Variants in CACNA2D4 observed in about 807,000 individuals in gnomAD.
CACNA2D4 encodes the protein calcium voltage-gated channel auxiliary subunit alpha2delta 4, also known as voltage-dependent calcium channel subunit alpha-2/delta-4.
Under a neutral mutation model 163.8 loss-of-function variants are expected in CACNA2D4, and 157 were observed. The observed-to-expected ratio is 0.96, with a 90% confidence interval of 0.84 to 1.09. The LOEUF is 1.09. Ranked by LOEUF, CACNA2D4 falls within the 50% of genes least tolerant of loss-of-function variation. The pLI is 0.00. For missense variants in CACNA2D4, 1,410 were observed against 1,479.9 expected, an observed-to-expected ratio of 0.95 and a Z score of 0.78; for synonymous variants, 598 against 586.9, an observed-to-expected ratio of 1.02 and a Z score of -0.27.
chr12:1,840,604 C>T, intron 26 of CACNA2D4, 135 bp downstream of exon 26: 1 of 676,664 alleles, frequency 1.5e-6, no homozygotes, highest in Non-Finnish European at 2.6e-6. Flanking sequence ...GAAGAGTGCA[C>T]TTCCACCCAT....
At position 1,806,267 on chromosome 12, in the gene CACNA2D4, C is replaced by T. The variant is rs767064325; in HGVS notation, c.2721+4011G>A. 6.6e-6 allele frequency among the ~76,000 whole-genome samples: 1 copy of T among 152,198 alleles called. No individual in the cohort carries two copies. Among genetic ancestry groups the T allele is most frequent in the Non-Finnish European group, 1.5e-5 (1 of 68,038 alleles). On this transcript the variant is annotated intron_variant, in intron 29 of 37. Transcript: ENST00000382722. The surrounding 1 kb of genome is among the most constrained non-coding windows in gnomAD (Gnocchi z 4.1). ...ACAAAGCCACTGTCATTGCCTGTCCCCAGCTGTCTGCTTCTCTTTCTAGGC... is the reference window on the plus strand; with the variant it reads ...ACAAAGCCACTGTCATTGCCTGTCCTCAGCTGTCTGCTTCTCTTTCTAGGC...
intron 6 of CACNA2D4, among the ~76,000 whole-genome samples, chr12:1,891,994 A>C (rs1254488851): frequency 3.9e-5 from 6 of 152,218 alleles, no homozygotes; most frequent in African/African-American, 1.4e-4. Context: ...AAAAGGATGG[A>C]AAGTCTATTT....
In CACNA2D4 at chr12:1,907,645, C is replaced by CCTGGTGGGCGTGT. The variant is rs59028831; in HGVS notation, c.650-87_650-75dup. 3.7e-6 allele frequency: 5 copies of CCTGGTGGGCGTGT among 1,360,646 alleles called. No individual in the cohort carries two copies. The East Asian group carries it at 1.2e-4, about 34-fold the overall frequency. 84.3% of individuals were successfully genotyped at this position (1,360,646 alleles called of 1,614,324 possible). A position where few individuals can be genotyped will look rare whatever the true frequency, so the allele number is the denominator to read the frequency against. ...ATGGTGATCATGCCCGGTGAGGGTG[C>CCTGGTGGGCGTGT]CTGGTGGGCGTGTCTGGTGGGCGTG... On this transcript the variant is annotated intron_variant, in intron 5 of 37. Coordinates refer to ENST00000382722, the MANE Select transcript of CACNA2D4 (RefSeq NM_172364.5).
Position 1,874,706 on chromosome 12 carries a change from C to T in CACNA2D4, c.1807-31G>A. ...GGAGGAAAGACAATGGCATTAGTTC[C>T]TTGGCTCACAGGGGATGGTGAAAGT... On this transcript the variant is annotated intron_variant, in intron 17 of 37. Transcript: ENST00000382722. This position sits in a 1 kb window ranked among gnomAD's most constrained non-coding sequence, Gnocchi z 4.4. 6.6e-7 allele frequency: 1 copy of T among 1,510,830 alleles called. No homozygotes were observed. The highest frequency in any genetic ancestry group is 9.2e-7 in the Non-Finnish European group (1 of 1,086,286). The allele number at this position is 1,510,830 out of a possible 1,614,324, so 93.6% of individuals were successfully genotyped here.
intron 23 of CACNA2D4, among the ~76,000 whole-genome samples, chr12:1,850,027 T>C (rs919489946): frequency 6.6e-6 from 1 of 152,254 alleles, no homozygotes; most frequent in Non-Finnish European, 1.5e-5. Flanking sequence ...GGTGCTATAA[T>C]GAGCAGCTCA....
chr12:1,813,231 G>A (rs1228035565), intron 26 of CACNA2D4, among the ~76,000 whole-genome samples: 3 of 152,182 alleles, frequency 2.0e-5, no homozygotes, highest in Non-Finnish European at 4.4e-5. Flanking sequence ...AAACTTCAGC[G>A]TGCATCAGAA....
At chr12:1,811,882 C>G in intron 26 of CACNA2D4, 159 bp from the exon 27 acceptor site, 1 of 615,558 alleles carries the variant, frequency 1.6e-6, no homozygotes. Context: ...ACTGGGGTTT[C>G]TGGGGAGTGG....
In CACNA2D4 at chr12:1,907,998, C is replaced by A. The variant is rs568920380; in HGVS notation, c.526G>T (p.Glu176Ter). ...CCCAGCTCCACGAAGTTGCCCTTCT[C>A]GTCCCTCTCGTTGATCAGGACCGAG... is the stretch of plus-strand genomic sequence containing the variant. ...YNSVLINERD[E>*]KGNFVELGAE... is the part of the protein sequence containing the mutation. The change falls in exon 5 of 38, where the codon GAG (glutamate) becomes TAG (stop). Residue 176 changes from glutamate to a stop codon, truncating the protein, a stop_gained. Transcript: ENST00000382722. LOFTEE classifies it high-confidence loss of function. 1.9e-6 allele frequency: 3 copies of A among 1,614,012 alleles called. No individual in the cohort carries two copies. The East Asian group carries it at 6.7e-5, about 36-fold the overall frequency.
Position 1,884,293 on chromosome 12 carries a change from C to G in CACNA2D4, c.1301G>C (p.Arg434Thr), listed in dbSNP as rs773243066. 1.2e-6 allele frequency: 2 copies of G among 1,612,726 alleles called. No homozygotes were observed. The highest frequency in any genetic ancestry group is 4.5e-5 in the East Asian group (2 of 44,884). ...KVRVFTYLIG[R>T]EVSFADRMKW... ...CATGCGGTCAGCAAAAGACACTTCT[C>G]TCCCAATGAGGTAAGTGAAAACTCG... Residue 434 changes from arginine (R) to threonine (T), a missense_variant, in exon 12 of 38, where the codon AGA (arginine) becomes ACA (threonine). By Grantham distance (71) the Arg-to-Thr change is moderately conservative. Transcript: ENST00000382722.
chr12:1,913,025 G>A lies in CACNA2D4; in HGVS notation c.424C>T (p.Gln142Ter), dbSNP rs776189698. The change falls in exon 3 of 38, where the codon CAG becomes TAG. Residue 142 changes from glutamine to a stop codon, truncating the protein, a stop_gained and splice_region_variant. Coordinates refer to ENST00000382722, the MANE Select transcript of CACNA2D4 (RefSeq NM_172364.5). LOFTEE classifies it high-confidence loss of function. ...TGCAGATCACAGGCCTGGAGTACCT[G>A]GACCGCCTCGACTTTCCTCCGCAGC... Reference protein sequence around the residue: ...NMLRRKVEAVQNLVEAAEEAD... With the variant: ...NMLRRKVEAV 7.5e-6 allele frequency: 12 copies of A among 1,607,406 alleles called. No homozygotes were observed. The highest frequency in any genetic ancestry group is 1.7e-4 in the Middle Eastern group (1 of 6,050).
At position 1,879,891 on chromosome 12, in the gene CACNA2D4, A is replaced by G; in HGVS notation, c.1486-10T>C. On this transcript the variant is annotated splice_polypyrimidine_tract_variant and intron_variant, in intron 13 of 37. Transcript: ENST00000382722. ...CCTGCGAGCTGAGGAGCTGTAAGGG[A>G]GGGGAGAACAGGGGTCAGAAGGTGC... The G allele has an allele frequency of 2.5e-6, 4 of 1,581,418 alleles. No homozygotes were observed. The highest frequency in any genetic ancestry group is 3.4e-6 in the Non-Finnish European group (4 of 1,162,588).
chr12:1,879,667 C>T (rs753447885), intron 14 of CACNA2D4, 137 bp downstream of exon 14: 1 of 712,998 alleles, frequency 1.4e-6, no homozygotes, highest in Non-Finnish European at 2.5e-6. Context: ...TACTCTGGGA[C>T]AGGCCTGGAA....
intron 23 of CACNA2D4, among the ~76,000 whole-genome samples, chr12:1,850,860 C>T (rs942162653): frequency 2.8e-5 from 4 of 142,004 alleles, no homozygotes; most frequent in South Asian, 2.2e-4. Context: ...CCAGCCTGGG[C>T]GACAGAGCGA....
At chr12:1,895,559 T>C (rs1270140669) in intron 6 of CACNA2D4, among the ~76,000 whole-genome samples, 1 of 152,112 alleles carries the variant, frequency 6.6e-6, no homozygotes, top group Admixed American at 6.5e-5. Flanking sequence ...CAAAGACCAA[T>C]GAAACAGAAT....
chr12:1,862,084 G>A (rs1260343501), intron 18 of CACNA2D4, among the ~76,000 whole-genome samples: 2 of 152,190 alleles, frequency 1.3e-5, no homozygotes, highest in African/African-American at 2.4e-5. Flanking sequence ...GAGTAGTATC[G>A]CAGTGTGTGG....
rs375737327 is a variant in CACNA2D4, at chr12:1,799,753, C to T, written c.2975-58G>A. ...CACGGCACAGGAAAACATGGTGGCA[C>T]ATGAGGGCAGGATGTCATGGGGTGG... is the stretch of plus-strand genomic sequence containing the variant. On this transcript the variant is annotated intron_variant, in intron 33 of 37. Transcript: ENST00000382722. The surrounding 1 kb of genome is among the most constrained non-coding windows in gnomAD (Gnocchi z 4.7). The T allele has an allele frequency of 1.3e-6, 2 of 1,554,110 alleles. No individual in the cohort carries two copies. Among genetic ancestry groups the T allele is most frequent in the Non-Finnish European group, 1.7e-6 (2 of 1,147,674 alleles).
In CACNA2D4 at chr12:1,833,758, T is replaced by C. The variant is rs540525116; in HGVS notation, c.2551+6981A>G. The stretch of plus-strand genomic sequence containing the variant: ...AGCGGCAGGGGCAGTGGGTTTTGAC[T>C]GCTGTCCTTTGAGTGAGAGGTAAGA... On this transcript the variant is annotated intron_variant, in intron 26 of 37. Transcript: ENST00000382722. The surrounding 1 kb of genome is among the most constrained non-coding windows in gnomAD (Gnocchi z 4.2). 2.6e-5 allele frequency among the ~76,000 whole-genome samples: 4 copies of C among 152,332 alleles called. No homozygotes were observed. Among genetic ancestry groups the C allele is most frequent in the African/African-American group, 9.6e-5 (4 of 41,578 alleles).
chr12:1,909,416 G>A (rs1285890290), intron 4 of CACNA2D4, among the ~76,000 whole-genome samples: 1 of 152,152 alleles, frequency 6.6e-6, no homozygotes, highest in Non-Finnish European at 1.5e-5. Context: ...GGATGGTCTC[G>A]ATCTCCTGAC....
chr12:1,800,052 C>T lies in CACNA2D4; in HGVS notation c.2922G>A (p.Leu974=). ...ATRWLLQELV[L]FLLEWSVWGS... ...CCCAGACACTCCACTCCAGCAGGAA[C>T]CTGTCAGACACAGGACTGAATCTCG... The change falls in exon 33 of 38, where the codon CTG becomes CTA. Residue 974 remains leucine (L), a splice_region_variant and synonymous_variant. Transcript: ENST00000382722. 6.3e-7 allele frequency: 1 copy of T among 1,599,584 alleles called. No homozygotes were observed. Among genetic ancestry groups the T allele is most frequent in the Non-Finnish European group, 8.5e-7 (1 of 1,173,282 alleles).
Sources: gnomAD v4.1 joint callset for allele counts (sites outside exome capture counted in the v4.1 genomes callset) on GRCh38, gnomAD v4.1.1 for gene constraint, Gnocchi (gnomAD v3.1) non-coding constraint, MANE v1.5 for transcripts, NCBI Gene and HGNC (gene_info 2026-07-23, HGNC 2026-07-21) for gene names.